SGCZ: variants seen among roughly 807,000 people sequenced by gnomAD.
SGCZ encodes zeta-sarcoglycan.
In SGCZ, 40 loss-of-function variants were observed where a neutral mutation model predicts 41.3. That is an observed-to-expected ratio of 0.97 (90% confidence interval 0.75 to 1.26). SGCZ has a LOEUF of 1.26. Ranked by LOEUF, SGCZ falls within the 50% of genes most tolerant of loss-of-function variation. SGCZ has a pLI of 0.00. For missense variants in SGCZ, 552 were observed against 369.8 expected (o/e 1.49, Z -4.04); for synonymous variants, 206 against 137.5 (o/e 1.50, Z -3.49).
In SGCZ at chr8:14,635,140, G is replaced by T. The variant is rs1402670197; in HGVS notation, c.40-80214C>A. ...TTTTAACATCAAACTTTTCATTCAA[G>T]CTATTCATTCGCAGCTGTCAGTAAA... On this transcript the variant is annotated intron_variant, in intron 1 of 7. Transcript: ENST00000382080. Among the ~76,000 whole-genome samples, 15 of 151,592 alleles carry T rather than the reference G, an allele frequency of 9.9e-5. No individual in the cohort carries two copies. In the Admixed American group the frequency reaches 9.9e-4, roughly 10 times the overall value.
chr8:14,307,797 G>A (rs1356971565), intron 3 of SGCZ, among the ~76,000 whole-genome samples: 1 of 151,978 alleles, frequency 6.6e-6, no homozygotes, highest in African/African-American at 2.4e-5. Context: ...GAAAGCAAGG[G>A]CAAGAAAAAG....
intron 1 of SGCZ, among the ~76,000 whole-genome samples, chr8:15,178,449 A>T (rs1442061577): frequency 6.6e-6 from 1 of 152,168 alleles, no homozygotes; most frequent in Non-Finnish European, 1.5e-5. Flanking sequence ...AAGAGGACAT[A>T]TTTTCAAATA....
intron 1 of SGCZ, among the ~76,000 whole-genome samples, chr8:14,560,344 A>G (rs887654144): frequency 2.6e-5 from 4 of 151,936 alleles, no homozygotes; most frequent in Admixed American, 1.3e-4. Context: ...ACATATATAT[A>G]TATGTATAAA....
At chr8:14,880,061 G>C (rs989002106) in intron 1 of SGCZ, among the ~76,000 whole-genome samples, 4 of 152,064 alleles carry the variant, frequency 2.6e-5, no homozygotes, top group Admixed American at 6.6e-5. Flanking sequence ...AGCTTGTCTT[G>C]AACTCCTGAT....
Position 14,722,741 on chromosome 8 carries a change from A to G in SGCZ, c.40-167815T>C, listed in dbSNP as rs148078641. Among the ~76,000 whole-genome samples, 400 of 152,284 alleles carry G rather than the reference A, an allele frequency of 2.6e-3. 2 individuals carry two copies. Among genetic ancestry groups the G allele is most frequent in the African/African-American group, 9.1e-3 (378 of 41,564 alleles). On this transcript the variant is annotated intron_variant, in intron 1 of 7. Transcript: ENST00000382080. ...AAATGATGAGGAGAATCAAGGAAAC[A>G]TATGAGGGAAAACCTTCTAGGCAGA...
chr8:14,251,016 T>G (rs1799264116), intron 3 of SGCZ, among the ~76,000 whole-genome samples: 1 of 152,106 alleles, frequency 6.6e-6, no homozygotes, highest in Non-Finnish European at 1.5e-5. Context: ...TCACCTGAGG[T>G]CAGGAGCTCA....
chr8:14,441,005 G>C lies in SGCZ; in HGVS notation c.234+113727C>G, dbSNP rs1016153928. ...AGGGGGTTTTGTGTGTGATTGCGTT[G>C]ACTGAGATTGAAGAAGTATGATTTA... On this transcript the variant is annotated intron_variant, in intron 2 of 7. Transcript: ENST00000382080. 2.6e-5 allele frequency among the ~76,000 whole-genome samples: 4 copies of C among 151,982 alleles called. No individual in the cohort carries two copies. The South Asian group carries it at 8.3e-4, about 32-fold the overall frequency.
At chr8:14,770,912 T>C (rs540348235) in intron 1 of SGCZ, among the ~76,000 whole-genome samples, 1 of 152,268 alleles carries the variant, frequency 6.6e-6, no homozygotes, top group Non-Finnish European at 1.5e-5. Context: ...TGCTGTCAAT[T>C]GAATGAAGCC....
chr8:14,301,792 C>T (rs1310032251), intron 3 of SGCZ, among the ~76,000 whole-genome samples: 1 of 152,156 alleles, frequency 6.6e-6, no homozygotes, highest in Non-Finnish European at 1.5e-5. Context: ...GTATTTCACA[C>T]ATAGTTTTTA....
chr8:14,473,372 ATT>A (rs1219162798), intron 2 of SGCZ, among the ~76,000 whole-genome samples: 1 of 152,174 alleles, frequency 6.6e-6, no homozygotes, highest in Non-Finnish European at 1.5e-5. Context: ...AAGTTCTTTA[ATT>A]TTGTTATCAC....
chr8:14,345,991 T>C (rs562402329), intron 2 of SGCZ, among the ~76,000 whole-genome samples: 2 of 152,116 alleles, frequency 1.3e-5, no homozygotes, highest in Admixed American at 6.5e-5. Context: ...TTTCACATTA[T>C]ACTGCAGTGG....
At chr8:14,537,735 C>G (rs538949054) in intron 2 of SGCZ, among the ~76,000 whole-genome samples, 2 of 151,894 alleles carry the variant, frequency 1.3e-5, no homozygotes, top group African/African-American at 4.8e-5. Flanking sequence ...GAATGTTCCC[C>G]CCTCATGTAA....
chr8:14,090,575 A>G lies in SGCZ; in HGVS notation c.807T>C (p.Ser269=), dbSNP rs1282313106. ...GNLPTGSFSS[S]SPSSSSSRQT... The stretch of plus-strand genomic sequence containing the variant: ...GTCGAGAACTTGAGGAGCTGGGTGA[A>G]GAAGATGAGAAGGAGCCAGTTGGTA... The change falls in exon 8 of 8, where the codon TCT becomes TCC. Residue 269 remains serine (S), a synonymous_variant. Transcript: ENST00000382080. The G allele has an allele frequency of 1.2e-6, 2 of 1,612,962 alleles. No homozygotes were observed. The highest frequency in any genetic ancestry group is 2.2e-5 in the South Asian group (2 of 91,036).
At chr8:14,212,392 A>T (rs1355106923) in intron 4 of SGCZ, among the ~76,000 whole-genome samples, 1 of 151,460 alleles carries the variant, frequency 6.6e-6, no homozygotes, top group Admixed American at 6.6e-5. Context: ...TAACACCAGA[A>T]GGCATCAAGC....
intron 7 of SGCZ, among the ~76,000 whole-genome samples, chr8:14,101,115 T>G (rs1267937466): frequency 1.3e-5 from 2 of 151,758 alleles, no homozygotes; most frequent in Non-Finnish European, 2.9e-5. Flanking sequence ...TGCCAAGATG[T>G]CCAGGTTTGA....
At chr8:15,073,615 G>C (rs1030941566) in intron 1 of SGCZ, among the ~76,000 whole-genome samples, 12 of 152,118 alleles carry the variant, frequency 7.9e-5, no homozygotes, top group African/African-American at 2.9e-4. Context: ...ATGTGGGTGG[G>C]CCTTATTCAA....
chr8:14,349,071 A>G (rs1457735632), intron 2 of SGCZ, among the ~76,000 whole-genome samples: 1 of 152,156 alleles, frequency 6.6e-6, no homozygotes, highest in African/African-American at 2.4e-5. Flanking sequence ...CCTTAGAGAC[A>G]ACATTGTAAA....
At chr8:15,163,409 A>G (rs1799570830) in intron 1 of SGCZ, among the ~76,000 whole-genome samples, 1 of 152,200 alleles carries the variant, frequency 6.6e-6, no homozygotes, top group African/African-American at 2.4e-5. Flanking sequence ...CCATTACGCT[A>G]AGTTGCATTT....
At chr8:14,643,278 A>G (rs564753696) in intron 1 of SGCZ, among the ~76,000 whole-genome samples, 36 of 151,660 alleles carry the variant, frequency 2.4e-4, no homozygotes, top group Non-Finnish European at 4.1e-4. Flanking sequence ...ATGCATATAT[A>G]ATACATGCAG....
Sources: allele counts gnomAD v4.1 joint callset (sites outside exome capture counted in the v4.1 genomes callset), GRCh38; gene constraint gnomAD v4.1.1; transcripts MANE v1.5; gene names NCBI Gene and HGNC (gene_info 2026-07-23, HGNC 2026-07-21).